ROBO2: variants seen among roughly 807,000 people sequenced by gnomAD.
ROBO2 encodes the protein roundabout homolog 2.
ROBO2 carries 53 observed loss-of-function variants against 160.8 expected under a neutral mutation model. That is an observed-to-expected ratio of 0.33 (90% CI 0.26 to 0.41). ROBO2 has a LOEUF of 0.41. ROBO2 is among the 10% of genes least tolerant of loss of function. The probability of loss-of-function intolerance (pLI) is 1.00; values close to 1 mark genes in which losing one functional copy is unlikely to be tolerated. For synonymous variants in ROBO2, 664 were observed against 611.7 expected (o/e 1.09, Z -1.26); for missense variants, 1,577 against 1,722.4 (o/e 0.92, Z 1.49).
intron 21 of ROBO2, among the ~76,000 whole-genome samples, chr3:77,612,710 G>T (rs1446819802): frequency 6.6e-6 from 1 of 152,070 alleles, no homozygotes; most frequent in Non-Finnish European, 1.5e-5. Context: ...ACGTTGGGAG[G>T]CCAAGATGGG....
intron 2 of ROBO2, among the ~76,000 whole-genome samples, chr3:76,528,891 A>G (rs767489833): frequency 2.5e-4 from 38 of 152,142 alleles, no homozygotes; most frequent in Admixed American, 2.2e-3. Context: ...GTGTCCTTGA[A>G]GCGAAACGAA....
chr3:77,324,509 GT>G (rs1362419345), intron 2 of ROBO2, among the ~76,000 whole-genome samples: 3 of 152,118 alleles, frequency 2.0e-5, no homozygotes, highest in African/African-American at 7.2e-5. Context: ...GCCGGGCGCC[GT>G]GGCTCACGCC....
intron 2 of ROBO2, among the ~76,000 whole-genome samples, chr3:77,343,475 T>C (rs1383186911): frequency 6.6e-6 from 1 of 152,200 alleles, no homozygotes; most frequent in Admixed American, 6.6e-5. Context: ...AAATTTACTA[T>C]TGATTTTATT....
intron 2 of ROBO2, among the ~76,000 whole-genome samples, chr3:76,486,914 C>G (rs987779775): frequency 3.3e-5 from 5 of 152,140 alleles, no homozygotes; most frequent in African/African-American, 1.2e-4. Context: ...CCTAAACCCT[C>G]TAAATGTTAT....
intron 2 of ROBO2, among the ~76,000 whole-genome samples, chr3:77,345,346 C>G (rs2067515286): frequency 6.6e-6 from 1 of 152,110 alleles, no homozygotes; most frequent in Non-Finnish European, 1.5e-5. Flanking sequence ...TTGGAAATCA[C>G]ACACCCTTAC....
intron 2 of ROBO2, among the ~76,000 whole-genome samples, chr3:76,747,718 G>C (rs2108163099): frequency 6.6e-6 from 1 of 151,520 alleles, no homozygotes; most frequent in Non-Finnish European, 1.5e-5. Flanking sequence ...CTAAATCCCA[G>C]TAAATTTTTA....
At chr3:76,135,020 A>G (rs1205417143) in intron 2 of ROBO2, among the ~76,000 whole-genome samples, 1 of 152,030 alleles carries the variant, frequency 6.6e-6, no homozygotes, top group Non-Finnish European at 1.5e-5. Context: ...GTCATTTAGG[A>G]CCTTACGGGG....
chr3:77,563,519 T>C (rs1297368578), intron 11 of ROBO2, among the ~76,000 whole-genome samples, 190 bp downstream of exon 12: 2 of 152,170 alleles, frequency 1.3e-5, no homozygotes. Flanking sequence ...ATTATAAGAT[T>C]TAAATATGCA....
intron 2 of ROBO2, among the ~76,000 whole-genome samples, chr3:77,132,840 G>T (rs568221387): frequency 3.3e-5 from 5 of 152,160 alleles, no homozygotes; most frequent in African/African-American, 7.2e-5. Context: ...CAATATTTTT[G>T]AGTTTAATTC....
chr3:77,402,545 A>C (rs2075898262), intron 2 of ROBO2, among the ~76,000 whole-genome samples: 1 of 152,196 alleles, frequency 6.6e-6, no homozygotes, highest in Admixed American at 6.5e-5. Context: ...ACTTCTGAAT[A>C]TCTCAGGAGT....
At chr3:76,131,679 A>G (rs1320624664) in intron 2 of ROBO2, among the ~76,000 whole-genome samples, 1 of 152,146 alleles carries the variant, frequency 6.6e-6, no homozygotes, top group Non-Finnish European at 1.5e-5. Context: ...GGTCATCGTT[A>G]CTAAACACTG....
intron 2 of ROBO2, among the ~76,000 whole-genome samples, chr3:77,273,705 G>T (rs1287472212): frequency 6.6e-6 from 1 of 152,142 alleles, no homozygotes; most frequent in Non-Finnish European, 1.5e-5. Context: ...TATGCTTAAT[G>T]GTTTGCTTCA....
rs763212338 is a variant in ROBO2, at chr3:77,558,123, G to C, written c.1411G>C (p.Gly471Arg). ...TCCAAGAGCAACAATTCAAGAGCAA[G>C]GCACACTGCAGATTAAGAATTTACG... is the stretch of plus-strand genomic sequence containing the variant. Residue 471 changes from glycine to arginine, a missense_variant, in exon 9 of 26, where the codon GGC (glycine) becomes CGC (arginine). Around this residue, in one of 2 missense-constraint regions of ROBO2, gnomAD observed 940 missense variants for 1,135.5 expected, o/e 0.83. Transcript: ENST00000461745. 8.1e-6 allele frequency: 13 copies of C among 1,612,880 alleles called. No individual in the cohort carries two copies. The highest frequency in any genetic ancestry group is 1.3e-5 in the African/African-American group (1 of 74,828).
intron 2 of ROBO2, among the ~76,000 whole-genome samples, chr3:77,209,648 GA>G (rs80031408): frequency 0.023 from 3,487 of 152,188 alleles, 180 homozygotes; most frequent in East Asian, 0.22. Flanking sequence ...TGAGATTTAG[GA>G]AGCCTTGATC....
chr3:77,588,810 G>A (rs774444045), exon 17 of ROBO2: 1 of 1,613,610 alleles, frequency 6.2e-7, no homozygotes. Context: ...GCAAATCACT[G>A]ATGTGGTGAA....
intron 2 of ROBO2, among the ~76,000 whole-genome samples, chr3:76,902,278 A>AAT (rs2075292336): frequency 6.6e-6 from 1 of 151,966 alleles, no homozygotes; most frequent in East Asian, 1.9e-4. Flanking sequence ...TCTTATTTTT[A>AAT]ATATATATAA....
chr3:77,551,380 A>G (rs1287378466), intron 8 of ROBO2, among the ~76,000 whole-genome samples: 1 of 152,046 alleles, frequency 6.6e-6, no homozygotes, highest in Non-Finnish European at 1.5e-5. Flanking sequence ...ATATTATCAG[A>G]GATGAGATTT....
chr3:76,588,678 C>A (rs1477004370), intron 2 of ROBO2, among the ~76,000 whole-genome samples: 1 of 152,144 alleles, frequency 6.6e-6, no homozygotes, highest in Non-Finnish European at 1.5e-5. Context: ...CGTATCACAT[C>A]AAGTGCCTGC....
At chr3:76,165,209 C>T (rs2072787290) in intron 2 of ROBO2, among the ~76,000 whole-genome samples, 1 of 152,162 alleles carries the variant, frequency 6.6e-6, no homozygotes. Flanking sequence ...TGAACATCTT[C>T]ATCATTTTCT....
Sources: allele counts gnomAD v4.1 joint callset (sites outside exome capture counted in the v4.1 genomes callset), GRCh38; gene constraint gnomAD v4.1.1; regional missense constraint gnomAD v4.1.1; transcripts MANE v1.5; gene names NCBI Gene and HGNC (gene_info 2026-07-23, HGNC 2026-07-21).